The following PDGFA variants were observed in gnomAD, a reference collection of about 807,000 sequenced individuals.
PDGFA encodes the protein platelet-derived growth factor subunit A.
A neutral mutation model predicts 25.6 loss-of-function variants in PDGFA; 9 were observed. The ratio of observed to expected loss-of-function variants is 0.35; its 90% CI spans 0.21 to 0.61. The LOEUF (loss-of-function observed/expected upper bound fraction) is 0.61, where lower values mean the gene tolerates loss of function less well. Ranked by LOEUF, PDGFA falls within the 20% of genes least tolerant of loss-of-function variation. The probability of loss-of-function intolerance (pLI) is 0.75; values close to 1 mark genes in which losing one functional copy is unlikely to be tolerated. For synonymous variants in PDGFA, 133 were observed against 111.8 expected (o/e 1.19, Z -1.20); for missense variants, 242 against 272.8 (o/e 0.89, Z 0.79).
intron 4 of PDGFA, among the ~76,000 whole-genome samples, chr7:507,871 C>A (rs1182383997): frequency 3.9e-5 from 6 of 152,272 alleles, no homozygotes; most frequent in Middle Eastern, 3.4e-3. Context: ...TTAGGCCCTC[C>A]CCTCCCCTCC....
intron 4 of PDGFA, among the ~76,000 whole-genome samples, chr7:502,943 G>A (rs1782414611): frequency 6.6e-6 from 1 of 152,002 alleles, no homozygotes; most frequent in East Asian, 1.9e-4. Context: ...TGTACACAGG[G>A]GCCCCATCGT....
intron 4 of PDGFA, among the ~76,000 whole-genome samples, chr7:508,559 CAAAAAA>C (rs766165770): frequency 9.8e-4 from 35 of 35,670 alleles, no homozygotes; most frequent in African/African-American, 3.1e-3. Flanking sequence ...GAAGCTGTCC[CAAAAAA>C]AAAAAAAAAA....
exon 5 of PDGFA, chr7:501,225 G>A (rs780541531): frequency 2.6e-5 from 42 of 1,614,002 alleles, no homozygotes; most frequent in African/African-American, 5.3e-5. Context: ...TCTTCCTGAC[G>A]TATTCCACCT....
intron 5 of PDGFA, among the ~76,000 whole-genome samples, chr7:499,721 C>T (rs1480668687): frequency 5.8e-5 from 4 of 68,386 alleles, no homozygotes; most frequent in African/African-American, 2.8e-4. Flanking sequence ...TTTTGCCCTT[C>T]CCCCCCCCCC....
rs749192193 is a variant in PDGFA, at chr7:512,447, C to T, written c.169G>A (p.Asp57Asn). 11 of 1,613,688 alleles carry T rather than the reference C, an allele frequency of 6.8e-6. No individual in the cohort carries two copies. In the South Asian group the frequency reaches 1.2e-4, roughly 18 times the overall value. ...GCTCTCAGGCTGGTGTCCAAAGAAT[C>T]CTCACTCCCTGCAGGCGGAAGGAGA... The change falls in exon 3 of 6, where the codon GAT (aspartate) becomes AAT (asparagine). Residue 57 changes from aspartate to asparagine, a missense_variant. This residue lies in a region of PDGFA where 113 missense variants were observed against 98.3 expected (regional missense o/e 1.15). Coordinates refer to ENST00000402802, the Ensembl canonical transcript of PDGFA.
exon 6 of PDGFA, chr7:497,829 G>A (rs1299768454): frequency 7.6e-6 from 1 of 131,218 alleles, no homozygotes; most frequent in Non-Finnish European, 1.6e-5. Context: ...AGTTACAGCA[G>A]CCTGTGTGTT....
Position 517,361 on chromosome 7 carries a change from T to C in PDGFA, c.160+33A>G. On this transcript the variant is annotated intron_variant, in intron 2 of 5. Transcript: ENST00000402802. The surrounding 1 kb of genome is among the most constrained non-coding windows in gnomAD (Gnocchi z 7.4). ...GCGCACAGGCCGCCCGCCCGCGCCC[T>C]CCCCGCGCGCGGAGGGAAGGGGCGC... The C allele has an allele frequency of 1.8e-6, 2 of 1,137,668 alleles. 1 individual carries two copies. Among genetic ancestry groups the C allele is most frequent in the South Asian group, 3.8e-5 (2 of 52,752 alleles). 70.5% of individuals were successfully genotyped at this position (1,137,668 alleles called of 1,614,324 possible). A position where few individuals can be genotyped will look rare whatever the true frequency, so the allele number is the denominator to read the frequency against.
chr7:508,431 G>A (rs1264579735), intron 4 of PDGFA, among the ~76,000 whole-genome samples: 1 of 151,630 alleles, frequency 6.6e-6, no homozygotes, highest in African/African-American at 2.4e-5. Flanking sequence ...GCCAGGCATG[G>A]TGGCATGCAC....
chr7:511,277 G>T (rs1330091075), intron 3 of PDGFA, among the ~76,000 whole-genome samples: 2 of 133,128 alleles, frequency 1.5e-5, no homozygotes, highest in African/African-American at 5.7e-5. Context: ...TCCAGGTGGG[G>T]CCAGTGGCTG....
chr7:505,657 C>T (rs978261913), intron 4 of PDGFA, among the ~76,000 whole-genome samples: 4 of 152,200 alleles, frequency 2.6e-5, no homozygotes, highest in Non-Finnish European at 5.9e-5. Flanking sequence ...AGGACACCAT[C>T]GTGGTCCATT....
At chr7:512,505 C>A in intron 2 of PDGFA, 50 bp from the exon 3 acceptor site, 1 of 1,611,822 alleles carries the variant, frequency 6.2e-7, no homozygotes, top group Non-Finnish European at 8.5e-7. Flanking sequence ...GTGCGCTGTG[C>A]CCTGGGCCTG....
intron 5 of PDGFA, among the ~76,000 whole-genome samples, chr7:499,138 T>A (rs1287201566): frequency 6.6e-6 from 1 of 152,178 alleles, no homozygotes; most frequent in Non-Finnish European, 1.5e-5. Flanking sequence ...TGCCAGCCTC[T>A]CACCATGGGG....
chr7:511,797 G>A (rs542654587), intron 3 of PDGFA, among the ~76,000 whole-genome samples: 1 of 152,138 alleles, frequency 6.6e-6, no homozygotes, highest in Admixed American at 6.5e-5. Flanking sequence ...AGGGCCATGG[G>A]GCTGTCCTGT....
chr7:501,734 T>C (rs1782349803), intron 4 of PDGFA, among the ~76,000 whole-genome samples: 1 of 152,136 alleles, frequency 6.6e-6, no homozygotes. Context: ...TGGAGCATGG[T>C]ATTTAGCAGA....
In PDGFA at chr7:517,213, GGAGA is replaced by G. The variant is rs1490647169; in HGVS notation, c.160+177_160+180del. Among the ~76,000 whole-genome samples the G allele has an allele frequency of 1.3e-5, 2 of 151,672 alleles. No homozygotes were observed. Among genetic ancestry groups the G allele is most frequent in the African/African-American group, 4.8e-5 (2 of 41,386 alleles). ...AGCGAGCAGCCCTCGGCCGCCGCTG[GGAGA>G]GAAAGTGGAGACTGGAAGAGAAACT... is the stretch of plus-strand genomic sequence containing the variant. On this transcript the variant is annotated intron_variant, in intron 2 of 5. Transcript: ENST00000402802. This position sits in a 1 kb window ranked among gnomAD's most constrained non-coding sequence, Gnocchi z 7.4.
At chr7:515,314 C>A (rs112364818) in intron 2 of PDGFA, among the ~76,000 whole-genome samples, 1 of 152,142 alleles carries the variant, frequency 6.6e-6, no homozygotes, top group African/African-American at 2.4e-5. Flanking sequence ...AAAAGGGAGT[C>A]CAGGACCCGG....
chr7:518,014 GAC>G (rs895020008), intron 1 of PDGFA, among the ~76,000 whole-genome samples: 5 of 151,962 alleles, frequency 3.3e-5, no homozygotes, highest in African/African-American at 1.2e-4. Flanking sequence ...CGCGCGCGCA[GAC>G]ACACACACGC....
chr7:515,714 T>A (rs571238458), intron 2 of PDGFA, among the ~76,000 whole-genome samples: 2 of 152,194 alleles, frequency 1.3e-5, no homozygotes, highest in Admixed American at 6.5e-5. Context: ...TCCTGGGACA[T>A]GACTGCAGAG....
upstream of PDGFA, chr7:519,465 G>C (rs1321323463): frequency 6.4e-6 from 1 of 155,216 alleles, no homozygotes; most frequent in Non-Finnish European, 1.4e-5. Context: ...CCGATCACCT[G>C]CCTGGACGCC....
Sources: allele counts gnomAD v4.1 joint callset (sites outside exome capture counted in the v4.1 genomes callset), GRCh38; gene constraint gnomAD v4.1.1; regional missense constraint gnomAD v4.1.1; non-coding constraint Gnocchi (gnomAD v3.1); transcripts MANE v1.5; gene names NCBI Gene and HGNC (gene_info 2026-07-23, HGNC 2026-07-21).